Variants in DNM3 observed in about 807,000 individuals in gnomAD.
The protein encoded by DNM3 is dynamin-3.
DNM3 carries 47 observed loss-of-function variants against 101.6 expected under a neutral mutation model. The observed-to-expected ratio is 0.46, with a 90% CI of 0.37 to 0.59. The LOEUF (loss-of-function observed/expected upper bound fraction) is 0.59, where lower values mean the gene tolerates loss of function less well. DNM3 is among the 20% of genes least tolerant of loss of function. DNM3 has a pLI of 0.00. For synonymous variants in DNM3, 385 were observed against 387.9 expected (o/e 0.99, Z 0.09); for missense variants, 849 against 1,085.7 (o/e 0.78, Z 3.06).
intron 17 of DNM3, among the ~76,000 whole-genome samples, chr1:172,330,169 G>A (rs570153635): frequency 8.2e-4 from 125 of 152,262 alleles, no homozygotes; most frequent in African/African-American, 2.9e-3. Flanking sequence ...ATTGTGCAAA[G>A]AAATTTGTTC....
intron 14 of DNM3, among the ~76,000 whole-genome samples, chr1:172,250,296 G>A (rs142565572): frequency 2.1e-4 from 32 of 152,158 alleles, no homozygotes; most frequent in African/African-American, 7.5e-4. Context: ...ATCTCAAGTT[G>A]GGAAAAGATG....
At chr1:172,220,875 C>A (rs930614751) in intron 14 of DNM3, among the ~76,000 whole-genome samples, 5 of 152,040 alleles carry the variant, frequency 3.3e-5, no homozygotes, top group African/African-American at 1.2e-4. Flanking sequence ...AAAGAATAGG[C>A]ACATTAAAGT....
chr1:171,848,103 G>A (rs2032436958), intron 1 of DNM3, among the ~76,000 whole-genome samples: 1 of 152,116 alleles, frequency 6.6e-6, no homozygotes, highest in Non-Finnish European at 1.5e-5. Flanking sequence ...GCTAGGTTTG[G>A]AACTTAATGT....
At chr1:171,971,937 C>G (rs1245801267) in intron 2 of DNM3, among the ~76,000 whole-genome samples, 1 of 152,132 alleles carries the variant, frequency 6.6e-6, no homozygotes, top group Non-Finnish European at 1.5e-5. Flanking sequence ...AAAGGAAAGT[C>G]TGAGAGATTT....
chr1:171,968,265 G>A (rs190373480), intron 2 of DNM3, among the ~76,000 whole-genome samples: 23 of 151,272 alleles, frequency 1.5e-4, no homozygotes, highest in African/African-American at 5.6e-4. Context: ...TTTTTCTTCT[G>A]ATACTGAAAA....
chr1:172,315,869 A>G (rs980453213), intron 16 of DNM3, among the ~76,000 whole-genome samples: 2 of 152,158 alleles, frequency 1.3e-5, no homozygotes, highest in African/African-American at 4.8e-5. Flanking sequence ...CAACGTTCAG[A>G]TTCAGGAAAT....
chr1:172,301,700 A>T (rs1438514973), intron 15 of DNM3, among the ~76,000 whole-genome samples: 1 of 152,218 alleles, frequency 6.6e-6, no homozygotes, highest in Non-Finnish European at 1.5e-5. Context: ...TCATACATTT[A>T]TATGAATGAA....
chr1:172,054,950 A>T (rs569193319), intron 10 of DNM3, among the ~76,000 whole-genome samples: 3 of 150,198 alleles, frequency 2.0e-5, no homozygotes, highest in East Asian at 4.0e-4. Flanking sequence ...CAACAGCGAG[A>T]CTCCATTTCC....
chr1:172,218,468 C>A (rs1356724478), intron 14 of DNM3, among the ~76,000 whole-genome samples: 1 of 151,912 alleles, frequency 6.6e-6, no homozygotes, highest in Non-Finnish European at 1.5e-5. Flanking sequence ...GTGAAGAAGA[C>A]AACTTTTGGC....
chr1:171,917,312 G>A (rs1266797251), intron 1 of DNM3, among the ~76,000 whole-genome samples: 1 of 152,094 alleles, frequency 6.6e-6, no homozygotes, highest in Non-Finnish European at 1.5e-5. Flanking sequence ...TCTTGATACA[G>A]CTAGTGTGTT....
intron 14 of DNM3, among the ~76,000 whole-genome samples, chr1:172,135,226 C>T (rs1572660169): frequency 6.6e-6 from 1 of 152,224 alleles, no homozygotes; most frequent in East Asian, 1.9e-4. Context: ...AAACTGTAAG[C>T]CTCTTGAGAC....
chr1:172,083,104 C>G (rs2053274827), intron 12 of DNM3, among the ~76,000 whole-genome samples: 1 of 152,218 alleles, frequency 6.6e-6, no homozygotes, highest in Non-Finnish European at 1.5e-5. Context: ...TTGCCCTCCT[C>G]TCTTTTAGCC....
intron 2 of DNM3, among the ~76,000 whole-genome samples, chr1:171,937,389 T>C (rs1348768927): frequency 6.6e-6 from 1 of 152,170 alleles, no homozygotes; most frequent in Non-Finnish European, 1.5e-5. Context: ...GCTGGTTCCC[T>C]ATTGCTGCTA....
At chr1:171,960,124 A>C (rs555285637) in intron 2 of DNM3, among the ~76,000 whole-genome samples, 1 of 152,230 alleles carries the variant, frequency 6.6e-6, no homozygotes, top group East Asian at 1.9e-4. Flanking sequence ...TGAACTTATA[A>C]AATGAGAAAA....
At chr1:172,318,384 C>G (rs921229051) in intron 16 of DNM3, among the ~76,000 whole-genome samples, 1 of 152,048 alleles carries the variant, frequency 6.6e-6, no homozygotes, top group Non-Finnish European at 1.5e-5. Flanking sequence ...AAGTTCTGGC[C>G]AGGGCAATCA....
chr1:172,294,911 CAAAAAAA>C (rs57685535), intron 15 of DNM3, among the ~76,000 whole-genome samples: 1 of 87,006 alleles, frequency 1.1e-5, no homozygotes, highest in African/African-American at 4.0e-5. Flanking sequence ...GACTTTGTCT[CAAAAAAA>C]AAAAAAAAAA....
rs1462259613 is a variant in DNM3, at chr1:172,409,603, G to T, written c.*1762G>T. On this transcript the variant is annotated 3_prime_UTR_variant, in exon 21 of 21. Transcript: ENST00000627582. ...CAAACCCCAAACTGGGGGAAAAAAA[G>T]TTAACTCTTTGTGAATGGAACCAAT... is the stretch of plus-strand genomic sequence containing the variant. 9.1e-6 allele frequency: 9 copies of T among 985,460 alleles called. No homozygotes were observed. The highest frequency in any genetic ancestry group is 7.0e-5 in the African/African-American group (4 of 57,214). The allele number at this position is 985,460 out of a possible 1,614,324, so 61.0% of individuals were successfully genotyped here.
intron 14 of DNM3, among the ~76,000 whole-genome samples, chr1:172,199,803 G>A (rs1558715948): frequency 9.2e-6 from 1 of 108,606 alleles, no homozygotes; most frequent in South Asian, 2.6e-4. Flanking sequence ...GTCATTACAT[G>A]TGAGATAGCA....
chr1:172,026,637 G>A (rs1277794673), intron 4 of DNM3, among the ~76,000 whole-genome samples: 1 of 151,854 alleles, frequency 6.6e-6, no homozygotes, highest in African/African-American at 2.4e-5. Context: ...CCAGAAGAGA[G>A]TGGGGGCCAA....
Sources: allele counts gnomAD v4.1 joint callset (sites outside exome capture counted in the v4.1 genomes callset), GRCh38; gene constraint gnomAD v4.1.1; transcripts MANE v1.5; gene names NCBI Gene and HGNC (gene_info 2026-07-23, HGNC 2026-07-21).